Variants in B3GALT1 observed in about 807,000 individuals in gnomAD.
B3GALT1 encodes beta-1,3-galactosyltransferase 1, also known as UDP-Gal:betaGlcNAc beta 1,3-galactosyltransferase, polypeptide 1.
Under a neutral mutation model 23.2 loss-of-function variants are expected in B3GALT1, and 10 were observed. That is an observed-to-expected ratio of 0.43 (90% CI 0.27 to 0.73). The LOEUF is 0.73. B3GALT1 is among the 30% of genes least tolerant of loss of function. The probability of loss-of-function intolerance (pLI) is 0.21; values close to 1 mark genes in which losing one functional copy is unlikely to be tolerated. For synonymous variants in B3GALT1, 156 were observed against 141.5 expected, an observed-to-expected ratio of 1.10 and a Z score of -0.73; for missense variants, 299 against 405.4, an observed-to-expected ratio of 0.74 and a Z score of 2.25.
At chr2:167,772,059 G>A (rs974705724) in intron 3 of B3GALT1, among the ~76,000 whole-genome samples, 1 of 152,076 alleles carries the variant, frequency 6.6e-6, no homozygotes, top group Non-Finnish European at 1.5e-5. Context: ...TAGTTAGAAG[G>A]GCTCACTAAT....
intron 2 of B3GALT1, among the ~76,000 whole-genome samples, chr2:167,493,726 C>G (rs1332726837): frequency 1.3e-5 from 2 of 152,108 alleles, no homozygotes; most frequent in Admixed American, 1.3e-4. Context: ...TTGGAAGTAC[C>G]TTAAATCTAT....
At chr2:167,481,085 T>G (rs1699558766) in intron 1 of B3GALT1, among the ~76,000 whole-genome samples, 1 of 152,184 alleles carries the variant, frequency 6.6e-6, no homozygotes, top group Admixed American at 6.6e-5. Flanking sequence ...AACCATGGTT[T>G]TAAAGACGAT....
chr2:167,503,327 T>C (rs1699873222), intron 2 of B3GALT1, among the ~76,000 whole-genome samples: 1 of 152,108 alleles, frequency 6.6e-6, no homozygotes, highest in Non-Finnish European at 1.5e-5. Flanking sequence ...TAAATCAGTA[T>C]CTACAGAGTG....
At chr2:167,368,896 C>G (rs897327444) in intron 1 of B3GALT1, among the ~76,000 whole-genome samples, 5 of 152,102 alleles carry the variant, frequency 3.3e-5, no homozygotes, top group Non-Finnish European at 5.9e-5. Flanking sequence ...ATGCTTCCCC[C>G]CCCCATGTGA....
intron 2 of B3GALT1, among the ~76,000 whole-genome samples, chr2:167,633,132 A>C (rs1418797680): frequency 6.6e-6 from 1 of 151,918 alleles, no homozygotes; most frequent in Admixed American, 6.6e-5. Flanking sequence ...TATCCAGGAG[A>C]ACTTCCCCAA....
chr2:167,631,596 G>A (rs920007639), intron 2 of B3GALT1: 4 of 151,590 alleles, frequency 2.6e-5, no homozygotes, highest in Non-Finnish European at 5.9e-5. Context: ...ATTAATTAAA[G>A]TACAGATTGT....
At chr2:167,326,850 C>T (rs539266310) in intron 1 of B3GALT1, among the ~76,000 whole-genome samples, 6 of 152,068 alleles carry the variant, frequency 3.9e-5, no homozygotes, top group South Asian at 4.2e-4. Flanking sequence ...CCACAACACC[C>T]GGCTAATTTT....
At chr2:167,832,931 A>G (rs1434619634) in intron 4 of B3GALT1, among the ~76,000 whole-genome samples, 1 of 152,210 alleles carries the variant, frequency 6.6e-6, no homozygotes, top group African/African-American at 2.4e-5. Context: ...GCACCATTAG[A>G]GGTGACAGCA....
At chr2:167,830,943 GTGAGCCTC>G (rs1164729031) in intron 4 of B3GALT1, among the ~76,000 whole-genome samples, 1 of 152,202 alleles carries the variant, frequency 6.6e-6, no homozygotes, top group African/African-American at 2.4e-5. Context: ...AAGAACATGG[GTGAGCCTC>G]TGAGCCTCTG....
chr2:167,869,382 C>A lies in B3GALT1; in HGVS notation c.343C>A (p.Leu115Met). 6.2e-7 allele frequency: 1 copy of A among 1,614,134 alleles called. No homozygotes were observed. Among genetic ancestry groups the A allele is most frequent in the African/African-American group, 1.3e-5 (1 of 75,026 alleles). The change falls in exon 5 of 5, where the codon CTG (leucine) becomes ATG (methionine). Residue 115 changes from leucine to methionine, a missense_variant. Leu to Met is a conservative substitution (Grantham distance 15). Around this residue, in one of 3 missense-constraint regions of B3GALT1, gnomAD observed 162 missense variants for 184.1 expected, o/e 0.88. Transcript: ENST00000392690. This position sits in a 1 kb window ranked among gnomAD's most constrained non-coding sequence, Gnocchi z 6.4. ...CTTTAAGGGGATCAAGATAGCCACC[C>A]TGTTCCTCCTGGGCAAGAATGCTGA... ...NNFKGIKIAT[L>M]FLLGKNADPV...
chr2:167,436,920 A>G (rs1309699649), intron 1 of B3GALT1, among the ~76,000 whole-genome samples: 1 of 152,202 alleles, frequency 6.6e-6, no homozygotes, highest in East Asian at 1.9e-4. Context: ...CATTTACACT[A>G]TGCAGACATA....
rs561401666 is a variant in B3GALT1, at chr2:167,710,975, G to A, written c.-352+64009G>A. ...GTAAAGCCCTCCAGGGTTTTCCACT[G>A]CATTTAGAATGATATCCAAATGCCT... On this transcript the variant is annotated intron_variant, in intron 3 of 4. Transcript: ENST00000392690. Among the ~76,000 whole-genome samples the A allele has an allele frequency of 2.4e-3, 366 of 152,252 alleles. 1 individual carries two copies. Among genetic ancestry groups the A allele is most frequent in the Non-Finnish European group, 4.2e-3 (284 of 68,016 alleles).
intron 2 of B3GALT1, among the ~76,000 whole-genome samples, chr2:167,581,724 T>C (rs1364617676): frequency 6.6e-6 from 1 of 152,236 alleles, no homozygotes; most frequent in Non-Finnish European, 1.5e-5. Context: ...AACATTAATT[T>C]CAGTAATGCA....
intron 1 of B3GALT1, among the ~76,000 whole-genome samples, chr2:167,382,450 C>T (rs1697858717): frequency 6.8e-6 from 1 of 146,820 alleles, no homozygotes; most frequent in South Asian, 2.1e-4. Context: ...TATCTCCCTC[C>T]TTCTGTTCCT....
intron 4 of B3GALT1, among the ~76,000 whole-genome samples, chr2:167,856,540 G>A (rs557102807): frequency 5.3e-5 from 8 of 152,146 alleles, no homozygotes; most frequent in African/African-American, 1.4e-4. Flanking sequence ...AAAACACATA[G>A]GACCACCAGC....
At chr2:167,840,648 C>A (rs566389749) in intron 4 of B3GALT1, among the ~76,000 whole-genome samples, 13 of 151,312 alleles carry the variant, frequency 8.6e-5, no homozygotes, top group Admixed American at 8.6e-4. Flanking sequence ...ACTAGAAATA[C>A]CATTTGACCC....
At chr2:167,641,366 G>A (rs570847163) in intron 2 of B3GALT1, among the ~76,000 whole-genome samples, 5 of 152,132 alleles carry the variant, frequency 3.3e-5, no homozygotes, top group East Asian at 1.9e-4. Flanking sequence ...GGCCATCAAC[G>A]TTATCCATCT....
chr2:167,318,307 A>G (rs1271452081), intron 1 of B3GALT1, among the ~76,000 whole-genome samples: 1 of 152,106 alleles, frequency 6.6e-6, no homozygotes, highest in African/African-American at 2.4e-5. Flanking sequence ...CCAACAGAGC[A>G]AAACTCTGTC....
At chr2:167,578,885 G>A (rs544709249) in intron 2 of B3GALT1, among the ~76,000 whole-genome samples, 1 of 152,066 alleles carries the variant, frequency 6.6e-6, no homozygotes, top group South Asian at 2.1e-4. Flanking sequence ...CTTTTTCCTT[G>A]CAAAATTCTA....
Sources: allele counts gnomAD v4.1 joint callset (sites outside exome capture counted in the v4.1 genomes callset), GRCh38; gene constraint gnomAD v4.1.1; regional missense constraint gnomAD v4.1.1; non-coding constraint Gnocchi (gnomAD v3.1); transcripts MANE v1.5; gene names NCBI Gene and HGNC (gene_info 2026-07-23, HGNC 2026-07-21).